AVEN: variants seen among roughly 807,000 people sequenced by gnomAD.
AVEN encodes apoptosis and caspase activation inhibitor.
Under a neutral mutation model 38.1 loss-of-function variants are expected in AVEN, and 41 were observed. The observed-to-expected ratio is 1.08, with a 90% CI of 0.84 to 1.40. The LOEUF (loss-of-function observed/expected upper bound fraction) is 1.40. AVEN is among the 40% of genes most tolerant of loss of function. The pLI is 0.00. For missense variants in AVEN, 605 were observed against 438.8 expected, an observed-to-expected ratio of 1.38 and a Z score of -3.38; for synonymous variants, 206 against 171.8, an observed-to-expected ratio of 1.20 and a Z score of -1.56.
At chr15:34,064,035 G>A in intron 4 of AVEN, 1 of 1,614,154 alleles carries the variant, frequency 6.2e-7, no homozygotes, top group East Asian at 2.2e-5. Context: ...AGAGAGGAAA[G>A]CAGCCCAGAC....
At chr15:34,026,839 G>A (rs1332498441) in intron 1 of AVEN, among the ~76,000 whole-genome samples, 1 of 152,098 alleles carries the variant, frequency 6.6e-6, no homozygotes, top group Non-Finnish European at 1.5e-5. Flanking sequence ...TCAACCTTAA[G>A]AGAGTTCTGT....
At chr15:33,863,455 A>G (rs1432182997), downstream of AVEN, among the ~76,000 whole-genome samples, 5 of 152,078 alleles carry the variant, frequency 3.3e-5, no homozygotes, top group African/African-American at 1.2e-4. Context: ...CTACTTTCTC[A>G]TATCACCAAC....
chr15:33,859,802 CTT>C, intron 11 of AVEN: 1 of 1,457,766 alleles, frequency 6.9e-7, no homozygotes, highest in Non-Finnish European at 9.3e-7. Context: ...CCATCTATGA[CTT>C]AATTGGTTTA....
intron 1 of AVEN, among the ~76,000 whole-genome samples, chr15:34,031,072 A>G (rs547416835): frequency 6.6e-6 from 1 of 152,216 alleles, no homozygotes; most frequent in South Asian, 2.1e-4. Context: ...TAAATACAAA[A>G]ATAGAGGAAT....
At chr15:34,035,733 A>G (rs1488755825) in intron 1 of AVEN, among the ~76,000 whole-genome samples, 1 of 152,224 alleles carries the variant, frequency 6.6e-6, no homozygotes, top group Non-Finnish European at 1.5e-5. Flanking sequence ...CCCATCACAA[A>G]GATAAATACT....
chr15:33,961,628 A>C (rs1033391934), intron 2 of AVEN, among the ~76,000 whole-genome samples: 10 of 151,532 alleles, frequency 6.6e-5, no homozygotes, highest in East Asian at 2.0e-4. Context: ...TCTGGCTAAC[A>C]CGGTGAAACC....
intron 2 of AVEN, among the ~76,000 whole-genome samples, chr15:33,895,789 T>C (rs924814280): frequency 3.3e-5 from 5 of 152,218 alleles, no homozygotes; most frequent in African/African-American, 7.2e-5. Flanking sequence ...AATCTGATCC[T>C]GCCAGACTCT....
intron 4 of AVEN, among the ~76,000 whole-genome samples, chr15:33,870,087 T>G (rs1188587173): frequency 6.6e-6 from 1 of 152,156 alleles, no homozygotes; most frequent in African/African-American, 2.4e-5. Context: ...TACAAAGTCT[T>G]GAATTTTTTC....
intron 2 of AVEN, among the ~76,000 whole-genome samples, chr15:33,971,168 A>G (rs1895622234): frequency 6.6e-6 from 1 of 152,072 alleles, no homozygotes; most frequent in East Asian, 1.9e-4. Flanking sequence ...GTTTATTTAT[A>G]ACAACTTTTC....
chr15:33,997,523 T>G (rs1441195375), intron 2 of AVEN, among the ~76,000 whole-genome samples: 2 of 152,130 alleles, frequency 1.3e-5, no homozygotes, highest in African/African-American at 4.8e-5. Flanking sequence ...ATTACCGTCA[T>G]CCGCAACCCC....
At chr15:33,927,407 T>C (rs1286115662) in intron 2 of AVEN, among the ~76,000 whole-genome samples, 6 of 152,142 alleles carry the variant, frequency 3.9e-5, no homozygotes, top group Non-Finnish European at 7.3e-5. Context: ...TAGTTAATAA[T>C]TATCAATAAT....
At chr15:33,979,763 A>G (rs1555512428) in intron 2 of AVEN, among the ~76,000 whole-genome samples, 1 of 152,238 alleles carries the variant, frequency 6.6e-6, no homozygotes, top group Non-Finnish European at 1.5e-5. Flanking sequence ...AGGCATCCTC[A>G]GGAATCGTAA....
chr15:33,854,639 G>A, downstream of AVEN: 2 of 1,279,322 alleles, frequency 1.6e-6, no homozygotes. Flanking sequence ...TCTTGGGCCA[G>A]CTCACAGCAC....
intron 1 of AVEN, among the ~76,000 whole-genome samples, chr15:34,036,968 G>A (rs1899158850): frequency 6.6e-6 from 1 of 152,028 alleles, no homozygotes; most frequent in Admixed American, 6.6e-5. Context: ...AATTAGCCGG[G>A]CAAGGTGGCT....
Position 33,867,761 on chromosome 15 carries a change from C to A in AVEN, c.707G>T (p.Gly236Val), listed in dbSNP as rs137887529. 4.9e-4 allele frequency: 789 copies of A among 1,614,076 alleles called. 4 individuals are homozygous for A. The highest frequency in any genetic ancestry group is 1.2e-4 in the African/African-American group (9 of 74,936). The part of the protein sequence containing the change: ...GMQLKGPLGP[G>V]GRGPIFELKS... ...CAGCTCAAAGATGGGCCCCCTTCCT[C>A]CAGGCCCCAAGGGCCCCTTTAACTG... Residue 236 changes from glycine (G) to valine (V), a missense_variant, in exon 5 of 6, where the codon GGA (glycine) becomes GTA (valine). Coordinates refer to ENST00000306730, the MANE Select transcript of AVEN (RefSeq NM_020371.3).
At chr15:34,028,854 T>C (rs534261313) in intron 1 of AVEN, among the ~76,000 whole-genome samples, 4 of 151,578 alleles carry the variant, frequency 2.6e-5, no homozygotes, top group Non-Finnish European at 5.9e-5. Context: ...GGCCACCACA[T>C]TGTACCTTCA....
intron 2 of AVEN, among the ~76,000 whole-genome samples, chr15:33,963,495 A>G (rs8041225): frequency 0.05 from 7,555 of 152,218 alleles, 572 homozygotes; most frequent in African/African-American, 0.16. Context: ...AGGGTATCAG[A>G]AAGTAAAACA....
intron 2 of AVEN, chr15:33,968,673 T>C (rs1895493715): frequency 6.6e-6 from 1 of 152,132 alleles, no homozygotes; most frequent in African/African-American, 2.4e-5. Flanking sequence ...GAAAAGTTCG[T>C]ATGGAGAAAG....
the AVEN span, chr15:33,853,099 T>C: frequency 1.9e-6 from 3 of 1,584,874 alleles, no homozygotes; most frequent in African/African-American, 1.4e-5. Flanking sequence ...TATGCCTTGT[T>C]AGTGGGGGTG....
Sources: gnomAD v4.1 joint callset for allele counts (sites outside exome capture counted in the v4.1 genomes callset) on GRCh38, gnomAD v4.1.1 for gene constraint, MANE v1.5 for transcripts, NCBI Gene and HGNC (gene_info 2026-07-23, HGNC 2026-07-21) for gene names.